AMN1: variants seen among roughly 807,000 people sequenced by gnomAD.
AMN1 encodes protein AMN1 homolog.
In AMN1, 20 loss-of-function variants were observed where a neutral mutation model predicts 33.0. The ratio of observed to expected loss-of-function variants is 0.61; its 90% CI spans 0.43 to 0.88. The LOEUF (loss-of-function observed/expected upper bound fraction) is 0.88, where lower values mean the gene tolerates loss of function less well. AMN1 is among the 40% of genes least tolerant of loss of function. The pLI is 0.00. For synonymous variants in AMN1, 114 were observed against 111.9 expected (o/e 1.02, Z -0.12); for missense variants, 246 against 307.4 (o/e 0.80, Z 1.49).
intron 6 of AMN1, among the ~76,000 whole-genome samples, chr12:31,688,787 G>A (rs55704003): frequency 0.018 from 2,742 of 151,814 alleles, 74 homozygotes; most frequent in African/African-American, 0.063. Context: ...CTCCAGCTTG[G>A]GTGACAGAGC....
At chr12:31,706,139 C>T (rs1445175575) in intron 2 of AMN1, among the ~76,000 whole-genome samples, 3 of 151,718 alleles carry the variant, frequency 2.0e-5, no homozygotes, top group African/African-American at 7.3e-5. Context: ...GGTGAAACCC[C>T]GTCTCTACTA....
intron 1 of AMN1, among the ~76,000 whole-genome samples, chr12:31,710,913 G>C (rs1265832018): frequency 1.3e-5 from 2 of 151,942 alleles, no homozygotes; most frequent in African/African-American, 4.8e-5. Flanking sequence ...ATCATGGCTA[G>C]TTTATTTATT....
intron 5 of AMN1, among the ~76,000 whole-genome samples, chr12:31,694,033 A>C (rs762826574): frequency 7.2e-5 from 11 of 152,146 alleles, no homozygotes; most frequent in South Asian, 2.1e-4. Flanking sequence ...AATTATAAAT[A>C]ATTTAGCAAC....
chr12:31,692,006 TA>T (rs1223972726), intron 5 of AMN1, among the ~76,000 whole-genome samples: 2 of 151,968 alleles, frequency 1.3e-5, no homozygotes, highest in Non-Finnish European at 1.5e-5. Flanking sequence ...GCCTCCCAAG[TA>T]GCTGGGATTA....
intron 1 of AMN1, among the ~76,000 whole-genome samples, chr12:31,721,299 G>A (rs1939870261): frequency 6.6e-6 from 1 of 152,184 alleles, no homozygotes; most frequent in South Asian, 2.1e-4. Context: ...GTACCCAGGG[G>A]AGGAAGCTGG....
Position 31,697,417 on chromosome 12 carries a change from C to A in AMN1, c.535G>T (p.Val179Leu). The A allele has an allele frequency of 6.2e-7, 1 of 1,612,620 alleles. No individual in the cohort carries two copies. Among genetic ancestry groups the A allele is most frequent in the Non-Finnish European group, 8.5e-7 (1 of 1,179,284 alleles). ...LQCVDFSATQ[V>L]SDSGVIALVS... ...AGTGCAATCACACCACTGTCAGATA[C>A]CTAAGCAAAGGGAAAAAGAAACACA... Residue 179 changes from valine to leucine, a missense_variant and splice_region_variant, in exon 5 of 7, where the codon GTA becomes TTA. Physicochemically the swap from Val to Leu is conservative, Grantham distance 32 (BLOSUM62 1). Coordinates refer to ENST00000281471, the MANE Select transcript of AMN1 (RefSeq NM_001113402.2).
intron 1 of AMN1, among the ~76,000 whole-genome samples, chr12:31,728,231 G>A (rs974267578): frequency 2.0e-5 from 3 of 152,134 alleles, no homozygotes; most frequent in African/African-American, 4.8e-5. Context: ...AATATTAACG[G>A]ACTGAAAGCT....
intron 1 of AMN1, among the ~76,000 whole-genome samples, chr12:31,721,693 C>G (rs1939882675): frequency 1.3e-5 from 2 of 152,158 alleles, no homozygotes; most frequent in African/African-American, 4.8e-5. Flanking sequence ...TTTTTACTGA[C>G]TCTTGGGCTG....
rs148841967 is a variant in AMN1, at chr12:31,676,936, A to G, written c.704-4559T>C. Among the ~76,000 whole-genome samples the G allele has an allele frequency of 5.5e-3, 840 of 151,868 alleles. 23 individuals are homozygous for G. Among genetic ancestry groups the G allele is most frequent in the African/African-American group, 0.018 (759 of 41,176 alleles). On this transcript the variant is annotated intron_variant, in intron 6 of 6. Transcript: ENST00000281471. The stretch of plus-strand genomic sequence containing the variant: ...AATAAGAATATTCAATGCCTTTATT[A>G]TGCTACAGGGAAAAACTATGGGGTC...
intron 6 of AMN1, among the ~76,000 whole-genome samples, chr12:31,684,396 T>TA (rs199611802): frequency 0.018 from 2,740 of 152,250 alleles, 74 homozygotes; most frequent in African/African-American, 0.062. Context: ...GAATGTCTAT[T>TA]AAAATTTATC....
At chr12:31,713,017 A>C (rs1939528362) in intron 1 of AMN1, among the ~76,000 whole-genome samples, 1 of 152,070 alleles carries the variant, frequency 6.6e-6, no homozygotes, top group Non-Finnish European at 1.5e-5. Context: ...TCTTTTATAT[A>C]TTTATTTATT....
chr12:31,685,868 T>G (rs1334282450), intron 6 of AMN1, among the ~76,000 whole-genome samples: 3 of 151,012 alleles, frequency 2.0e-5, no homozygotes, highest in African/African-American at 7.3e-5. Flanking sequence ...TTTTTTTTTT[T>G]GGAAACGGAG....
At position 31,674,030 on chromosome 12, in the gene AMN1, G is replaced by A. The variant is rs148229611; in HGVS notation, c.704-1653C>T. ...AGTCTTATCTTTTTTTTTTTTTGGA[G>A]GCTCTACAGGGGAATCTACTTCCTT... On this transcript the variant is annotated intron_variant, in intron 6 of 6. Coordinates refer to ENST00000281471, the MANE Select transcript of AMN1 (RefSeq NM_001113402.2). Among the ~76,000 whole-genome samples the A allele has an allele frequency of 1.2e-3, 181 of 150,826 alleles. 1 individual carries two copies. Among genetic ancestry groups the A allele is most frequent in the African/African-American group, 4.3e-3 (178 of 41,040 alleles).
chr12:31,708,305 G>A (rs996663789), intron 2 of AMN1, among the ~76,000 whole-genome samples: 1 of 152,106 alleles, frequency 6.6e-6, no homozygotes, highest in African/African-American at 2.4e-5. Context: ...CACTCTGGGA[G>A]TGTCTGTCCT....
chr12:31,692,567 G>T (rs1206189120), intron 5 of AMN1, among the ~76,000 whole-genome samples: 1 of 151,522 alleles, frequency 6.6e-6, no homozygotes, highest in East Asian at 1.9e-4. Context: ...AACTTTTATG[G>T]AAAACAATTT....
chr12:31,718,607 C>T (rs1270250111), intron 1 of AMN1, among the ~76,000 whole-genome samples: 1 of 152,128 alleles, frequency 6.6e-6, no homozygotes, highest in African/African-American at 2.4e-5. Flanking sequence ...TGTGGATGTC[C>T]TTTTTGTTAA....
In AMN1 at chr12:31,683,976, G is replaced by T. The variant is rs73090339; in HGVS notation, c.703+5031C>A. ...GCCTCGTAGCTGCCACTGTGATCTT[G>T]AAAGCTATCCAGGACCTTTCTAATG... On this transcript the variant is annotated intron_variant, in intron 6 of 6. Coordinates refer to ENST00000281471, the MANE Select transcript of AMN1 (RefSeq NM_001113402.2). This position sits in a 1 kb window ranked among gnomAD's most constrained non-coding sequence, Gnocchi z 4.1. Among the ~76,000 whole-genome samples the T allele has an allele frequency of 1.2e-4, 19 of 152,284 alleles. No homozygotes were observed. The highest frequency in any genetic ancestry group is 3.6e-4 in the African/African-American group (15 of 41,550).
At chr12:31,682,140 A>G (rs1938043738) in intron 6 of AMN1, among the ~76,000 whole-genome samples, 2 of 152,244 alleles carry the variant, frequency 1.3e-5, no homozygotes, top group African/African-American at 4.8e-5. Context: ...TCTTAGCTAT[A>G]GTATTTCTCA....
At chr12:31,710,585 C>CACAT (rs3222610) in intron 1 of AMN1, among the ~76,000 whole-genome samples, 1 of 146,672 alleles carries the variant, frequency 6.8e-6, no homozygotes, top group East Asian at 2.0e-4. Flanking sequence ...CACACACACA[C>CACAT]ATTTAAAGGC....
Sources: allele counts gnomAD v4.1 joint callset (sites outside exome capture counted in the v4.1 genomes callset), GRCh38; gene constraint gnomAD v4.1.1; non-coding constraint Gnocchi (gnomAD v3.1); transcripts MANE v1.5; gene names NCBI Gene and HGNC (gene_info 2026-07-23, HGNC 2026-07-21).